CEP170B: variants seen among roughly 807,000 people sequenced by gnomAD.
CEP170B encodes centrosomal protein 170B, also known as centrosomal protein of 170 kDa protein B.
In CEP170B, 55 loss-of-function variants were observed where a neutral mutation model predicts 120.6. The observed-to-expected ratio is 0.46, with a 90% CI of 0.37 to 0.57. The LOEUF (loss-of-function observed/expected upper bound fraction) is 0.57. Among genes scored for constraint, CEP170B ranks in the 20% least tolerant of loss-of-function variants. CEP170B has a pLI of 0.00. For synonymous variants in CEP170B, 1,033 were observed against 954.5 expected, an observed-to-expected ratio of 1.08 and a Z score of -1.52; for missense variants, 2,212 against 2,253.3, an observed-to-expected ratio of 0.98 and a Z score of 0.37.
At position 104,883,869 on chromosome 14, in the gene CEP170B, G is replaced by A; in HGVS notation, c.1090G>A (p.Asp364Asn). The change falls in exon 9 of 19, where the codon GAC becomes AAC. Residue 364 changes from aspartate to asparagine, a missense_variant. By Grantham distance (23) the Asp-to-Asn change is conservative (BLOSUM62 1). Coordinates refer to ENST00000414716, the MANE Select transcript of CEP170B (RefSeq NM_001112726.3). ...GGACGGCACGCAGAGTGACTCAGAG[G>A]ACCCCCTGGCCAAGGCGGCCTCGGC... ...HEDGTQSDSE[D>N]PLAKAASAAG... The A allele has an allele frequency of 6.4e-7, 1 of 1,574,230 alleles. No individual in the cohort carries two copies. Among genetic ancestry groups the A allele is most frequent in the Non-Finnish European group, 8.6e-7 (1 of 1,160,722 alleles).
At chr14:104,871,387 C>G (rs2140627210) in intron 2 of CEP170B, among the ~76,000 whole-genome samples, 1 of 147,310 alleles carries the variant, frequency 6.8e-6, no homozygotes, top group African/African-American at 2.5e-5. Flanking sequence ...CCACCCCCAC[C>G]CCCACCCCAC....
chr14:104,876,297 C>T lies in CEP170B; in HGVS notation c.147C>T (p.Asp49=), dbSNP rs1012110156. Residue 49 remains aspartate, a synonymous_variant, in exon 3 of 19, where the codon GAC becomes GAT. Transcript: ENST00000414716. The part of the protein sequence containing the change: ...VDKQHAVINY[D]QDRDEHWVKD... The stretch of plus-strand genomic sequence containing the variant: ...AGCAGCATGCCGTCATCAACTACGA[C>T]CAGGACAGGGACGAGCACTGGGTGA... 2.6e-5 allele frequency: 40 copies of T among 1,550,790 alleles called. No individual in the cohort carries two copies. The highest frequency in any genetic ancestry group is 3.3e-5 in the Non-Finnish European group (38 of 1,146,836).
chr14:104,891,781 G>A lies in CEP170B; in HGVS notation c.3879-1195G>A, dbSNP rs1292039260. Reference sequence around the variant, plus strand: ...AGCATGCCATATGACGGGGGCAGGAGGCCAGGGAGTGCTGGGCGGGGGCCT... The same window carrying A: ...AGCATGCCATATGACGGGGGCAGGAAGCCAGGGAGTGCTGGGCGGGGGCCT... On this transcript the variant is annotated intron_variant, in intron 13 of 18. Coordinates refer to ENST00000414716, the MANE Select transcript of CEP170B (RefSeq NM_001112726.3). This position sits in a 1 kb window ranked among gnomAD's most constrained non-coding sequence, Gnocchi z 4.3. Among the ~76,000 whole-genome samples, 2 of 152,108 alleles carry A rather than the reference G, an allele frequency of 1.3e-5. No individual in the cohort carries two copies. Among genetic ancestry groups the A allele is most frequent in the Non-Finnish European group, 2.9e-5 (2 of 68,006 alleles).
intron 17 of CEP170B, 31 bp from the exon 18 acceptor site, chr14:104,894,506 G>T: frequency 6.2e-7 from 1 of 1,606,698 alleles, no homozygotes; most frequent in South Asian, 1.1e-5. Flanking sequence ...GTCAGAAGTT[G>T]ACTCCACCTC....
At position 104,886,278 on chromosome 14, in the gene CEP170B, A is replaced by T; in HGVS notation, c.2039A>T (p.Asp680Val). Residue 680 changes from aspartate (D) to valine (V), a missense_variant, in exon 12 of 19, where the codon GAT becomes GTT. Asp to Val is a radical substitution (Grantham distance 152). Coordinates refer to ENST00000414716, the MANE Select transcript of CEP170B (RefSeq NM_001112726.3). ...DSYSDPGLTE[D>V]GLGRRGGEPE... ...CGGCTGCCTTTGTGCTCCACAGAGG[A>T]TGGCCTGGGACGTAGAGGCGGGGAG... The T allele has an allele frequency of 6.5e-7, 1 of 1,531,692 alleles. No homozygotes were observed. Among genetic ancestry groups the T allele is most frequent in the Non-Finnish European group, 8.7e-7 (1 of 1,145,022 alleles). 94.9% of individuals were successfully genotyped at this position (1,531,692 alleles called of 1,614,324 possible).
intron 5 of CEP170B, 111 bp downstream of exon 5, chr14:104,878,612 C>T (rs1242690078): frequency 2.0e-5 from 24 of 1,225,800 alleles, no homozygotes; most frequent in South Asian, 7.9e-5. Context: ...GCCTCTGGGG[C>T]GCCCTGTTCA....
Position 104,884,377 on chromosome 14 carries a change from A to C in CEP170B, c.1598A>C (p.His533Pro). 1.3e-6 allele frequency: 2 copies of C among 1,545,908 alleles called. No homozygotes were observed. Among genetic ancestry groups the C allele is most frequent in the African/African-American group, 1.4e-5 (1 of 72,646 alleles). ...GTGCTGCCCGCTCCCCTGACACCCC[A>C]TGGGACCAGCCCCGTGGGCCCCCCG... Reference protein sequence around the residue: ...PPVLPAPLTPHGTSPVGPPTP... With the variant: ...PPVLPAPLTPPGTSPVGPPTP... The change falls in exon 9 of 19, where the codon CAT becomes CCT. Residue 533 changes from histidine to proline, a missense_variant. Coordinates refer to ENST00000414716, the MANE Select transcript of CEP170B (RefSeq NM_001112726.3).
chr14:104,893,701 G>C (rs761265140), intron 15 of CEP170B, 35 bp downstream of exon 15: 4 of 1,584,300 alleles, frequency 2.5e-6, no homozygotes, highest in East Asian at 2.3e-5. Flanking sequence ...AGCTGGGTGT[G>C]GGGGGAGCAG....
In CEP170B at chr14:104,876,246, G is replaced by C. The variant is rs766301893; in HGVS notation, c.106-10G>C. 57 of 1,550,386 alleles carry C rather than the reference G, an allele frequency of 3.7e-5. No homozygotes were observed. In the South Asian group the frequency reaches 6.5e-4, roughly 18 times the overall value. On this transcript the variant is annotated splice_polypyrimidine_tract_variant and intron_variant, in intron 2 of 18. Transcript: ENST00000414716. ...TGGAGCACCTGAGGGCTGGCTGTGT[G>C]TCTCTCCAGTCCCGCAGCGTGGACA...
intron 3 of CEP170B, among the ~76,000 whole-genome samples, chr14:104,876,662 C>T (rs967268735): frequency 6.6e-6 from 1 of 152,212 alleles, no homozygotes; most frequent in African/African-American, 2.4e-5. Flanking sequence ...CCCAGGCCTC[C>T]CCAGAAGGCT....
intron 2 of CEP170B, among the ~76,000 whole-genome samples, chr14:104,873,035 C>T (rs146164476): frequency 2.6e-5 from 4 of 152,264 alleles, no homozygotes; most frequent in Middle Eastern, 3.4e-3. Context: ...GGCCACTTCT[C>T]ATTGGTGGCT....
At position 104,893,069 on chromosome 14, in the gene CEP170B, T is replaced by G; in HGVS notation, c.3972T>G (p.Pro1324=). Residue 1324 remains proline (P), a synonymous_variant, in exon 14 of 19, where the codon CCT becomes CCG. Coordinates refer to ENST00000414716, the MANE Select transcript of CEP170B (RefSeq NM_001112726.3). Reference sequence around the variant, plus strand: ...GTGACACACTGGGCTCCTCGGAGCCTGCCCACAGCGCCTCCCTCAGCAACA... The same window carrying G: ...GTGACACACTGGGCTCCTCGGAGCCGGCCCACAGCGCCTCCCTCAGCAACA... ...GDGDTLGSSE[P]AHSASLSNMP... is the part of the protein sequence containing the mutation. 4 of 1,604,444 alleles carry G rather than the reference T, an allele frequency of 2.5e-6. No homozygotes were observed. The highest frequency in any genetic ancestry group is 3.4e-6 in the Non-Finnish European group (4 of 1,177,002).
In CEP170B at chr14:104,867,356, G is replaced by A. The variant is rs138873368; in HGVS notation, c.-27-1068G>A. ...TGCCTCCCAGTGAGCCCCCATCCCC[G>A]CCCTGCCTCTGTGTTCCCTGTATCC... On this transcript the variant is annotated intron_variant, in intron 1 of 18. Transcript: ENST00000414716. This position sits in a 1 kb window ranked among gnomAD's most constrained non-coding sequence, Gnocchi z 5.4. Among the ~76,000 whole-genome samples, 5 of 152,084 alleles carry A rather than the reference G, an allele frequency of 3.3e-5. No individual in the cohort carries two copies. The highest frequency in any genetic ancestry group is 4.8e-5 in the African/African-American group (2 of 41,408).
At chr14:104,874,531 A>C (rs1302720148) in intron 2 of CEP170B, among the ~76,000 whole-genome samples, 3 of 152,062 alleles carry the variant, frequency 2.0e-5, no homozygotes, top group African/African-American at 7.2e-5. Flanking sequence ...CTGGGCAGGC[A>C]GCTCAGGGAT....
chr14:104,890,623 T>G (rs1896791345), intron 13 of CEP170B, among the ~76,000 whole-genome samples: 1 of 138,550 alleles, frequency 7.2e-6, no homozygotes, highest in African/African-American at 2.8e-5. Context: ...GAAGGATGGA[T>G]GAGTGGGTGG....
chr14:104,887,455 G>A lies in CEP170B; in HGVS notation c.3216G>A (p.Gly1072=). The part of the protein sequence containing the change: ...ASNHETPEAT[G]AGRLGSRRKP... ...ACCACGAAACCCCTGAGGCCACCGG[G>A]GCAGGACGGCTAGGTTCTCGCCGGA... is the stretch of plus-strand genomic sequence containing the variant. Residue 1072 remains glycine, a synonymous_variant, in exon 12 of 19, where the codon GGG becomes GGA. Coordinates refer to ENST00000414716, the MANE Select transcript of CEP170B (RefSeq NM_001112726.3). 1 of 1,611,722 alleles carries A rather than the reference G, an allele frequency of 6.2e-7. No individual in the cohort carries two copies. The highest frequency in any genetic ancestry group is 8.5e-7 in the Non-Finnish European group (1 of 1,179,472).
At chr14:104,893,723 C>T in intron 15 of CEP170B, 38 bp from the exon 16 acceptor site, 3 of 1,588,970 alleles carry the variant, frequency 1.9e-6, no homozygotes, top group Non-Finnish European at 2.6e-6. Context: ...GGCGGGGCTC[C>T]TCGAGGGCGG....
chr14:104,890,649 GAT>G, intron 13 of CEP170B, among the ~76,000 whole-genome samples: 1 of 130,810 alleles, frequency 7.6e-6, no homozygotes, highest in Non-Finnish European at 1.7e-5. Context: ...TGGATGGATG[GAT>G]GAATGGATGA....
chr14:104,880,398 G>A lies in CEP170B; in HGVS notation c.445G>A (p.Glu149Lys). 6.2e-7 allele frequency: 1 copy of A among 1,612,636 alleles called. No individual in the cohort carries two copies. Among genetic ancestry groups the A allele is most frequent in the Non-Finnish European group, 8.5e-7 (1 of 1,179,650 alleles). ...PYCEASNPRPEKGDRRPGTEA... is the reference protein window; with the variant it reads ...PYCEASNPRPKKGDRRPGTEA... ...CTGCGAGGCCTCGAACCCCAGGCCG[G>A]AGAAGGGGGACCGGAGACCAGGAAC... Residue 149 changes from glutamate (E) to lysine (K), a missense_variant, in exon 6 of 19, where the codon GAG becomes AAG. Physicochemically the swap from Glu to Lys is moderately conservative, Grantham distance 56. Coordinates refer to ENST00000414716, the MANE Select transcript of CEP170B (RefSeq NM_001112726.3).
Sources: gnomAD v4.1 joint callset for allele counts (sites outside exome capture counted in the v4.1 genomes callset) on GRCh38, gnomAD v4.1.1 for gene constraint, Gnocchi (gnomAD v3.1) non-coding constraint, MANE v1.5 for transcripts, NCBI Gene and HGNC (gene_info 2026-07-23, HGNC 2026-07-21) for gene names.